SORCS3: variants seen among roughly 807,000 people sequenced by gnomAD.
The protein encoded by SORCS3 is VPS10 domain-containing receptor SorCS3.
SORCS3 carries 57 observed loss-of-function variants against 146.3 expected under a neutral mutation model. That is an observed-to-expected ratio of 0.39 (90% confidence interval 0.31 to 0.49). The LOEUF (loss-of-function observed/expected upper bound fraction) is 0.49, where lower values mean the gene tolerates loss of function less well. Among genes scored for constraint, SORCS3 ranks in the 20% least tolerant of loss-of-function variants. The probability of loss-of-function intolerance (pLI) is 0.92; values close to 1 mark genes in which losing one functional copy is unlikely to be tolerated. For synonymous variants in SORCS3, 653 were observed against 618.5 expected (o/e 1.06, Z -0.83); for missense variants, 1,341 against 1,575.5 (o/e 0.85, Z 2.52).
At chr10:105,252,640 T>C (rs2056907571) in intron 22 of SORCS3, 135 bp from the exon 23 acceptor site, 3 of 1,012,206 alleles carry the variant, frequency 3.0e-6, no homozygotes, top group Non-Finnish European at 4.4e-6. Flanking sequence ...CCTGAATGTA[T>C]ATTGGAGCCT....
At chr10:105,016,930 TG>T (rs1220856403) in intron 4 of SORCS3, among the ~76,000 whole-genome samples, 1 of 152,136 alleles carries the variant, frequency 6.6e-6, no homozygotes, top group Non-Finnish European at 1.5e-5. Flanking sequence ...GAAAACTGCC[TG>T]GGGGAAAGAT....
intron 9 of SORCS3, among the ~76,000 whole-genome samples, chr10:105,150,374 G>A (rs927297375): frequency 3.9e-5 from 6 of 152,078 alleles, no homozygotes; most frequent in African/African-American, 9.7e-5. Context: ...CTATGACACC[G>A]CAGCACTGAT....
intron 7 of SORCS3, among the ~76,000 whole-genome samples, chr10:105,127,635 G>T (rs1309852114): frequency 1.3e-5 from 2 of 152,064 alleles, no homozygotes; most frequent in African/African-American, 4.8e-5. Flanking sequence ...GGTACTAAGA[G>T]ACTATTATAG....
intron 4 of SORCS3, among the ~76,000 whole-genome samples, chr10:105,014,527 T>A (rs2133683548): frequency 6.6e-6 from 1 of 152,282 alleles, no homozygotes; most frequent in South Asian, 2.1e-4. Context: ...TTGCTGCACA[T>A]AATCCTATCA....
chr10:104,670,301 T>A (rs928405561), intron 1 of SORCS3, among the ~76,000 whole-genome samples: 5 of 152,150 alleles, frequency 3.3e-5, no homozygotes, highest in African/African-American at 1.2e-4. Context: ...GTGAAACTTT[T>A]CCCATAAATT....
chr10:104,670,933 A>T (rs10884030), intron 1 of SORCS3, among the ~76,000 whole-genome samples: 1 of 152,014 alleles, frequency 6.6e-6, no homozygotes, highest in Non-Finnish European at 1.5e-5. Context: ...GCTATTATAA[A>T]TGAAATTGTT....
chr10:104,921,682 C>T (rs1166218287), intron 3 of SORCS3, among the ~76,000 whole-genome samples: 2 of 151,786 alleles, frequency 1.3e-5, no homozygotes, highest in Non-Finnish European at 2.9e-5. Context: ...TAGTTTTATC[C>T]TCATTTGACA....
chr10:104,968,472 C>T (rs1471144019), intron 3 of SORCS3, among the ~76,000 whole-genome samples: 1 of 152,182 alleles, frequency 6.6e-6, no homozygotes, highest in Admixed American at 6.5e-5. Context: ...GGCCTAAAGA[C>T]ATCTGCATTG....
chr10:105,118,768 C>T (rs954788147), intron 7 of SORCS3, among the ~76,000 whole-genome samples: 3 of 152,046 alleles, frequency 2.0e-5, no homozygotes, highest in African/African-American at 4.8e-5. Flanking sequence ...TTTGCCCTTG[C>T]CCTGGAGATC....
At chr10:104,892,861 T>C (rs1401506587) in intron 2 of SORCS3, among the ~76,000 whole-genome samples, 1 of 152,194 alleles carries the variant, frequency 6.6e-6, no homozygotes, top group African/African-American at 2.4e-5. Flanking sequence ...TGCGTGCCTC[T>C]CTCTCTTGCT....
At chr10:104,819,848 G>A (rs554248393) in intron 1 of SORCS3, among the ~76,000 whole-genome samples, 50 of 152,204 alleles carry the variant, frequency 3.3e-4, no homozygotes, top group Non-Finnish European at 6.9e-4. Flanking sequence ...AGGGTGGAGA[G>A]GCAGGAGGGA....
intron 1 of SORCS3, among the ~76,000 whole-genome samples, chr10:104,703,543 T>C (rs895980892): frequency 2.0e-5 from 3 of 150,538 alleles, no homozygotes; most frequent in East Asian, 2.0e-4. Flanking sequence ...TAAGTAGGAG[T>C]TGAACATTGA....
intron 13 of SORCS3, among the ~76,000 whole-genome samples, chr10:105,175,516 T>C (rs1368746303): frequency 6.6e-6 from 1 of 152,218 alleles, no homozygotes; most frequent in Non-Finnish European, 1.5e-5. Flanking sequence ...TCCGGACTTA[T>C]TGGCCAGAGT....
intron 1 of SORCS3, among the ~76,000 whole-genome samples, chr10:104,653,992 C>G (rs2015594528): frequency 6.6e-6 from 1 of 152,104 alleles, no homozygotes; most frequent in Non-Finnish European, 1.5e-5. Flanking sequence ...TTCTTCTACT[C>G]TATGCGCATG....
intron 14 of SORCS3, among the ~76,000 whole-genome samples, chr10:105,179,491 T>A (rs1054679980): frequency 2.0e-5 from 3 of 152,228 alleles, no homozygotes; most frequent in African/African-American, 7.2e-5. Context: ...CTTATCAAGA[T>A]ACTTAGAGAA....
chr10:104,836,471 G>A (rs751131442), intron 1 of SORCS3, among the ~76,000 whole-genome samples: 2 of 152,156 alleles, frequency 1.3e-5, no homozygotes, highest in Non-Finnish European at 2.9e-5. Context: ...AGCATTTGGG[G>A]ACAGCAGAAG....
chr10:104,696,627 G>T (rs1331008031), intron 1 of SORCS3, among the ~76,000 whole-genome samples: 1 of 81,920 alleles, frequency 1.2e-5, no homozygotes, highest in African/African-American at 5.1e-5. Flanking sequence ...TATTATATAC[G>T]TATATATTAT....
At chr10:104,896,511 A>G (rs546451849) in intron 2 of SORCS3, among the ~76,000 whole-genome samples, 11 of 152,202 alleles carry the variant, frequency 7.2e-5, no homozygotes, top group Non-Finnish European at 1.3e-4. Flanking sequence ...TCTGAGGGAA[A>G]AGCGGAGTGT....
chr10:104,767,620 T>TTTTCCTTCCCCC (rs1335751790), intron 1 of SORCS3, among the ~76,000 whole-genome samples: 1 of 89,438 alleles, frequency 1.1e-5, no homozygotes, highest in African/African-American at 4.6e-5. Context: ...CCCCTTCCCC[T>TTTTCCTTCCCCC]TTTCCTTCCC....
Sources: gnomAD v4.1 joint callset for allele counts (sites outside exome capture counted in the v4.1 genomes callset) on GRCh38, gnomAD v4.1.1 for gene constraint, MANE v1.5 for transcripts, NCBI Gene and HGNC (gene_info 2026-07-23, HGNC 2026-07-21) for gene names.